Variants in LRMDA observed in about 807,000 individuals in gnomAD.
LRMDA encodes leucine rich melanocyte differentiation associated, also known as leucine-rich melanocyte differentiation-associated protein.
A neutral mutation model predicts 29.8 loss-of-function variants in LRMDA; 18 were observed. The ratio of observed to expected loss-of-function variants is 0.60; its 90% CI spans 0.42 to 0.90. LRMDA has a LOEUF of 0.90. LRMDA is among the 40% of genes least tolerant of loss of function. The pLI, the probability that LRMDA is intolerant of heterozygous loss-of-function variation, is 0.00. For synonymous variants in LRMDA, 125 were observed against 109.4 expected (o/e 1.14, Z -0.89); for missense variants, 273 against 273.9 (o/e 1.00, Z 0.02).
intron 2 of LRMDA, among the ~76,000 whole-genome samples, chr10:75,970,194 A>G (rs1846941944): frequency 6.6e-6 from 1 of 152,182 alleles, no homozygotes; most frequent in South Asian, 2.1e-4. Flanking sequence ...GTGGAAAAGG[A>G]GTGGGCTGGA....
rs144332406 is a variant in LRMDA, at chr10:75,963,433, C to T, written c.132-72575C>T. Among the ~76,000 whole-genome samples the T allele has an allele frequency of 2.5e-3, 381 of 152,328 alleles. 4 individuals carry two copies. The highest frequency in any genetic ancestry group is 8.3e-3 in the African/African-American group (347 of 41,566). ...TAACATCTGCTTTGTTTCTTTCCTT[C>T]GTTCCCTGGTAAGACACCTTATTTG... On this transcript the variant is annotated intron_variant, in intron 2 of 6. Coordinates refer to ENST00000611255, the MANE Select transcript of LRMDA (RefSeq NM_001305581.2).
chr10:76,044,718 C>G (rs1253648395), intron 3 of LRMDA, among the ~76,000 whole-genome samples: 1 of 152,114 alleles, frequency 6.6e-6, no homozygotes, highest in Non-Finnish European at 1.5e-5. Context: ...CCATTCTCAC[C>G]TCCTCATTCT....
intron 5 of LRMDA, among the ~76,000 whole-genome samples, chr10:76,250,979 C>T (rs1852468884): frequency 6.6e-6 from 1 of 152,096 alleles, no homozygotes; most frequent in African/African-American, 2.4e-5. Context: ...TTGAACAGTT[C>T]TTGTAGATTT....
chr10:75,657,034 G>A (rs746809869), intron 2 of LRMDA, among the ~76,000 whole-genome samples: 10 of 152,176 alleles, frequency 6.6e-5, no homozygotes, highest in African/African-American at 2.4e-4. Context: ...AGAGGAAGGA[G>A]CATGGAAGAA....
intron 6 of LRMDA, among the ~76,000 whole-genome samples, chr10:76,524,163 G>T (rs1843150482): frequency 6.6e-6 from 1 of 152,314 alleles, no homozygotes; most frequent in East Asian, 1.9e-4. Flanking sequence ...ATAATGACAG[G>T]TATTTATGTT....
intron 2 of LRMDA, among the ~76,000 whole-genome samples, chr10:75,485,888 A>T (rs1844907324): frequency 6.6e-6 from 1 of 152,026 alleles, no homozygotes; most frequent in Non-Finnish European, 1.5e-5. Context: ...GCTATTTTAT[A>T]ATTTCTTATT....
intron 5 of LRMDA, among the ~76,000 whole-genome samples, chr10:76,287,129 A>C (rs1840281731): frequency 6.6e-6 from 1 of 152,172 alleles, no homozygotes; most frequent in Admixed American, 6.6e-5. Context: ...CTTATCCCTA[A>C]GGGATTTCTT....
chr10:76,093,264 C>T (rs1437273103), intron 5 of LRMDA, among the ~76,000 whole-genome samples: 1 of 151,762 alleles, frequency 6.6e-6, no homozygotes, highest in Non-Finnish European at 1.5e-5. Flanking sequence ...TCTTGAACTC[C>T]TGAGCTCAAG....
intron 2 of LRMDA, among the ~76,000 whole-genome samples, chr10:75,872,618 T>C (rs1845133905): frequency 6.6e-6 from 1 of 152,174 alleles, no homozygotes; most frequent in Non-Finnish European, 1.5e-5. Context: ...TGTTCTATTC[T>C]CTGTTCTCCA....
chr10:76,280,234 A>C (rs540773112), intron 5 of LRMDA, among the ~76,000 whole-genome samples: 6 of 152,222 alleles, frequency 3.9e-5, no homozygotes, highest in Middle Eastern at 3.2e-3. Context: ...ACTTTATAGG[A>C]GTAACCTTGT....
At chr10:75,959,387 T>C (rs1564617041) in intron 2 of LRMDA, among the ~76,000 whole-genome samples, 1 of 152,194 alleles carries the variant, frequency 6.6e-6, no homozygotes, top group Non-Finnish European at 1.5e-5. Context: ...GAGCCTAGCA[T>C]ACCACATGTA....
At chr10:76,515,710 G>T (rs1294190347) in intron 6 of LRMDA, among the ~76,000 whole-genome samples, 1 of 152,014 alleles carries the variant, frequency 6.6e-6, no homozygotes, top group Non-Finnish European at 1.5e-5. Context: ...TTTTCCTGTT[G>T]CCCAGGCTGG....
chr10:75,552,422 TTTTC>T (rs1564798610), intron 2 of LRMDA: 8 of 288,088 alleles, frequency 2.8e-5, no homozygotes, highest in South Asian at 5.6e-5. Context: ...TGTTTTTTTT[TTTTC>T]CCCCCCCTCT....
At chr10:76,347,642 G>GA (rs973150359) in intron 6 of LRMDA, among the ~76,000 whole-genome samples, 1 of 152,110 alleles carries the variant, frequency 6.6e-6, no homozygotes, top group African/African-American at 2.4e-5. Context: ...TGCAGCACTG[G>GA]AAAAATTCCT....
At chr10:76,472,730 T>C (rs1010183584) in intron 6 of LRMDA, among the ~76,000 whole-genome samples, 2 of 151,548 alleles carry the variant, frequency 1.3e-5, no homozygotes, top group African/African-American at 4.8e-5. Flanking sequence ...AAATAAAGGA[T>C]TGTAAGGCAG....
chr10:76,093,639 C>T (rs1286080805), intron 5 of LRMDA, among the ~76,000 whole-genome samples: 7 of 152,076 alleles, frequency 4.6e-5, no homozygotes, highest in African/African-American at 1.7e-4. Context: ...AGTCTTGTCC[C>T]GATTCCTTTA....
chr10:75,747,070 A>G (rs1034519137), intron 2 of LRMDA, among the ~76,000 whole-genome samples: 4 of 152,046 alleles, frequency 2.6e-5, no homozygotes, highest in African/African-American at 9.7e-5. Flanking sequence ...TTTTTATTTA[A>G]TCTTTTTTAA....
chr10:76,267,413 C>G (rs570939178), intron 5 of LRMDA, among the ~76,000 whole-genome samples: 2 of 152,214 alleles, frequency 1.3e-5, no homozygotes, highest in East Asian at 3.9e-4. Context: ...ACCATCACAA[C>G]TATTTATTTC....
intron 6 of LRMDA, among the ~76,000 whole-genome samples, chr10:76,369,972 C>A (rs1190075264): frequency 1.3e-5 from 2 of 152,068 alleles, no homozygotes; most frequent in East Asian, 1.9e-4. Flanking sequence ...ATAACAGTAT[C>A]TGGAGCTTGC....
Sources: allele counts gnomAD v4.1 joint callset (sites outside exome capture counted in the v4.1 genomes callset), GRCh38; gene constraint gnomAD v4.1.1; transcripts MANE v1.5; gene names NCBI Gene and HGNC (gene_info 2026-07-23, HGNC 2026-07-21).